Variants in FRMD4A observed in about 807,000 individuals in gnomAD.
FRMD4A encodes the protein FERM domain-containing protein 4A.
In FRMD4A, 29 loss-of-function variants were observed where a neutral mutation model predicts 129.1. The ratio of observed to expected loss-of-function variants is 0.22; its 90% CI spans 0.17 to 0.31. FRMD4A has a LOEUF of 0.31. FRMD4A is among the 10% of genes least tolerant of loss of function. FRMD4A has a pLI of 1.00. For missense variants in FRMD4A, 1,272 were observed against 1,375.8 expected (o/e 0.92, Z 1.19); for synonymous variants, 634 against 571.6 (o/e 1.11, Z -1.56).
intron 17 of FRMD4A, chr10:13,667,471 A>G (rs1210655129): frequency 6.6e-6 from 1 of 152,228 alleles, no homozygotes; most frequent in African/African-American, 2.4e-5. Flanking sequence ...GGGACCGGGA[A>G]GAATGAAGCT....
chr10:13,918,170 C>T (rs1021012981), intron 2 of FRMD4A, among the ~76,000 whole-genome samples: 17 of 152,076 alleles, frequency 1.1e-4, no homozygotes, highest in African/African-American at 4.1e-4. Context: ...GTCTGTTTCC[C>T]TGTATTAGAA....
intron 3 of FRMD4A, among the ~76,000 whole-genome samples, chr10:13,822,335 G>C (rs1442947299): frequency 2.0e-5 from 3 of 152,130 alleles, no homozygotes; most frequent in Admixed American, 2.0e-4. Flanking sequence ...TAAATTCTGG[G>C]GTTCAGATCT....
intron 3 of FRMD4A, among the ~76,000 whole-genome samples, chr10:13,840,003 C>T (rs891162424): frequency 3.3e-5 from 5 of 152,318 alleles, no homozygotes; most frequent in Admixed American, 6.5e-5. Flanking sequence ...CCATGGCTGT[C>T]TCAGGATGCT....
At chr10:13,692,006 A>C (rs1478709583) in intron 15 of FRMD4A, among the ~76,000 whole-genome samples, 2 of 152,120 alleles carry the variant, frequency 1.3e-5, no homozygotes, top group Non-Finnish European at 2.9e-5. Flanking sequence ...AGAAAGAATG[A>C]GCATTGACCC....
intron 2 of FRMD4A, among the ~76,000 whole-genome samples, chr10:14,005,567 C>G (rs1249096515): frequency 6.6e-6 from 1 of 152,210 alleles, no homozygotes. Context: ...ATGTTCTTCT[C>G]TTTGGTTTTC....
At chr10:13,849,708 A>T (rs1282156958) in intron 3 of FRMD4A, among the ~76,000 whole-genome samples, 7 of 150,124 alleles carry the variant, frequency 4.7e-5, no homozygotes, top group African/African-American at 1.7e-4. Flanking sequence ...CAAAGTCCCG[A>T]CCTCAGGTGA....
At chr10:13,698,405 C>G (rs1294861584) in intron 14 of FRMD4A, among the ~76,000 whole-genome samples, 2 of 152,170 alleles carry the variant, frequency 1.3e-5, no homozygotes, top group East Asian at 3.9e-4. Flanking sequence ...GCTCTCTGTC[C>G]CAGCCCTGTC....
intron 2 of FRMD4A, among the ~76,000 whole-genome samples, chr10:14,272,638 C>G (rs1337047545): frequency 1.3e-5 from 2 of 152,182 alleles, no homozygotes; most frequent in Non-Finnish European, 2.9e-5. Context: ...GCTCATGGTT[C>G]TGCAGGCTGT....
intron 8 of FRMD4A, among the ~76,000 whole-genome samples, chr10:13,750,070 A>AAG (rs1185089996): frequency 5.2e-5 from 3 of 57,440 alleles, no homozygotes; most frequent in Admixed American, 2.3e-4. Flanking sequence ...GGAAGGAAGG[A>AAG]AGAAAGAAAG....
At chr10:14,141,948 G>A (rs565070512) in intron 2 of FRMD4A, among the ~76,000 whole-genome samples, 14 of 152,130 alleles carry the variant, frequency 9.2e-5, no homozygotes, top group Admixed American at 3.9e-4. Flanking sequence ...AAAAAATCTC[G>A]TTTCCCTTTA....
chr10:13,731,788 T>G (rs1431362368), intron 12 of FRMD4A, among the ~76,000 whole-genome samples: 1 of 152,162 alleles, frequency 6.6e-6, no homozygotes, highest in Non-Finnish European at 1.5e-5. Flanking sequence ...ATTCTGATTT[T>G]TCTTAGTCTT....
chr10:14,138,634 C>A (rs1382371352), intron 2 of FRMD4A, among the ~76,000 whole-genome samples: 1 of 151,980 alleles, frequency 6.6e-6, no homozygotes, highest in Non-Finnish European at 1.5e-5. Flanking sequence ...GTGGTGCGCG[C>A]CTGTAATCCC....
intron 2 of FRMD4A, chr10:14,007,990 A>G: frequency 7.8e-7 from 1 of 1,280,866 alleles, no homozygotes; most frequent in Non-Finnish European, 1.0e-6. Context: ...GTAACGCGGT[A>G]TACAATGAAA....
At chr10:13,743,418 T>G (rs528959918) in intron 9 of FRMD4A, among the ~76,000 whole-genome samples, 1 of 151,816 alleles carries the variant, frequency 6.6e-6, no homozygotes, top group African/African-American at 2.4e-5. Flanking sequence ...AGATCCAGGG[T>G]CAAGCAACTC....
intron 2 of FRMD4A, among the ~76,000 whole-genome samples, chr10:14,092,022 A>AT (rs1237806066): frequency 2.0e-5 from 3 of 152,178 alleles, no homozygotes; most frequent in Non-Finnish European, 4.4e-5. Context: ...GACAGTTTCT[A>AT]TTCCCCTGAA....
intron 2 of FRMD4A, among the ~76,000 whole-genome samples, chr10:14,267,564 A>G (rs747237508): frequency 2.0e-5 from 3 of 152,218 alleles, no homozygotes; most frequent in Non-Finnish European, 4.4e-5. Flanking sequence ...CTATTTTTAT[A>G]TATAGAATGG....
At chr10:13,707,251 T>G in intron 12 of FRMD4A, 138 bp from the exon 13 acceptor site, 1 of 788,616 alleles carries the variant, frequency 1.3e-6, no homozygotes, top group Non-Finnish European at 2.0e-6. Flanking sequence ...CCTCCGCCTC[T>G]TGCTTGACAC....
chr10:14,081,566 A>T (rs1336220362), intron 2 of FRMD4A, among the ~76,000 whole-genome samples: 1 of 152,252 alleles, frequency 6.6e-6, no homozygotes, highest in Admixed American at 6.5e-5. Flanking sequence ...GAAGATAAAA[A>T]TAAGTCAAGG....
rs56829972 is a variant in FRMD4A, at chr10:13,737,940, CA to C, written c.673-11del. ...GTATGCCCTGCTTGTCCTAGGATATCAAAAAAAGTTTGGGTGAATATGGGAC... is the reference window on the plus strand; with the variant it reads ...GTATGCCCTGCTTGTCCTAGGATATCAAAAAAGTTTGGGTGAATATGGGAC... On this transcript the variant is annotated splice_polypyrimidine_tract_variant and intron_variant, in intron 11 of 24. Transcript: ENST00000357447. 34 of 1,542,766 alleles carry C rather than the reference CA, an allele frequency of 2.2e-5. No homozygotes were observed. The highest frequency in any genetic ancestry group is 2.7e-5 in the African/African-American group (2 of 73,356).
Sources: gnomAD v4.1 joint callset for allele counts (sites outside exome capture counted in the v4.1 genomes callset) on GRCh38, gnomAD v4.1.1 for gene constraint, MANE v1.5 for transcripts, NCBI Gene and HGNC (gene_info 2026-07-23, HGNC 2026-07-21) for gene names.